ZNF160: variants seen among roughly 807,000 people sequenced by gnomAD.
The protein encoded by ZNF160 is zinc finger protein 160, also known as KRAB zinc finger protein KR18.
ZNF160 carries 9 observed loss-of-function variants against 13.1 expected under a neutral mutation model. The observed-to-expected ratio is 0.69, with a 90% CI of 0.41 to 1.20. The LOEUF (loss-of-function observed/expected upper bound fraction) is 1.20, where lower values mean the gene tolerates loss of function less well. ZNF160 is among the 50% of genes most tolerant of loss of function. The pLI is 0.01. For missense variants in ZNF160, 838 were observed against 988.0 expected, an observed-to-expected ratio of 0.85 and a Z score of 2.04; for synonymous variants, 293 against 333.2, an observed-to-expected ratio of 0.88 and a Z score of 1.31.
chr19:53,086,163 G>A, intron 3 of ZNF160, 99 bp downstream of exon 3: 2 of 1,407,092 alleles, frequency 1.4e-6, no homozygotes, highest in South Asian at 1.2e-5. Flanking sequence ...TAGCAAACAT[G>A]TCAGGCAGGA....
At position 53,069,214 on chromosome 19, in the gene ZNF160, G is replaced by A. The variant is rs1050980212; in HGVS notation, c.1320C>T (p.Leu440=). 19 of 1,610,882 alleles carry A rather than the reference G, an allele frequency of 1.2e-5. No homozygotes were observed. The highest frequency in any genetic ancestry group is 2.2e-5 in the South Asian group (2 of 90,948). Residue 440 remains leucine, a synonymous_variant, in exon 6 of 6, where the codon CTC becomes CTT. Coordinates refer to ENST00000683776, the MANE Select transcript of ZNF160 (RefSeq NM_001322131.2). This position sits in a 1 kb window ranked among gnomAD's most constrained non-coding sequence, Gnocchi z 4.4. ...CGKVFRYNSY[L]GRHRRVHTGE... Reference sequence around the variant, plus strand: ...CAGTATGAACTCTCCGATGCCTTCCGAGGTATGAATTGTACCTAAAGACTT... The same window carrying A: ...CAGTATGAACTCTCCGATGCCTTCCAAGGTATGAATTGTACCTAAAGACTT...
In ZNF160 at chr19:53,068,632, T is replaced by C; in HGVS notation, c.1902A>G (p.Ser634=). Residue 634 remains serine, a synonymous_variant, in exon 6 of 6, where the codon TCA becomes TCG. Coordinates refer to ENST00000683776, the MANE Select transcript of ZNF160 (RefSeq NM_001322131.2). ...HECGKVFRHN[S]YLATHRRIHT... ...GAATTCGCCGATGAGTTGCAAGGTA[T>C]GAATTGTGCCTAAAAACCTTGCCGC... 2 of 1,613,774 alleles carry C rather than the reference T, an allele frequency of 1.2e-6. No homozygotes were observed. The highest frequency in any genetic ancestry group is 1.7e-6 in the Non-Finnish European group (2 of 1,179,958).
At chr19:53,096,722 TGAGG>T (rs2085252003) in intron 1 of ZNF160, among the ~76,000 whole-genome samples, 1 of 127,134 alleles carries the variant, frequency 7.9e-6, no homozygotes, top group Non-Finnish European at 1.8e-5. Context: ...GCAGGAGACC[TGAGG>T]GAGGGGAGAA....
At chr19:53,078,534 A>C (rs2145658692) in intron 3 of ZNF160, among the ~76,000 whole-genome samples, 1 of 152,306 alleles carries the variant, frequency 6.6e-6, no homozygotes, top group East Asian at 1.9e-4. Context: ...TGAACTCAGG[A>C]GGCAGAGGTT....
chr19:53,098,892 A>G (rs935291801), intron 1 of ZNF160, among the ~76,000 whole-genome samples: 3 of 150,938 alleles, frequency 2.0e-5, no homozygotes, highest in East Asian at 1.9e-4. Flanking sequence ...GGCCTCAGTG[A>G]GGCCTTCTGC....
chr19:53,084,338 T>C (rs1466725055), intron 3 of ZNF160, among the ~76,000 whole-genome samples: 2 of 152,218 alleles, frequency 1.3e-5, no homozygotes, highest in Admixed American at 1.3e-4. Flanking sequence ...CCAAAAGCAA[T>C]GCAGTACCTT....
chr19:53,079,333 C>T lies in ZNF160; in HGVS notation c.16-4150G>A, dbSNP rs190877710. Among the ~76,000 whole-genome samples the T allele has an allele frequency of 3.9e-5, 6 of 151,954 alleles. No homozygotes were observed. In the East Asian group the frequency reaches 9.7e-4, roughly 25 times the overall value. Reference sequence around the variant, plus strand: ...TGGGAGGCCAAGGCAGGTGGATCACCTGAGGTCAGGAGTTCAAGACCAGCC... The same window carrying T: ...TGGGAGGCCAAGGCAGGTGGATCACTTGAGGTCAGGAGTTCAAGACCAGCC... On this transcript the variant is annotated intron_variant, in intron 3 of 5. Coordinates refer to ENST00000683776, the MANE Select transcript of ZNF160 (RefSeq NM_001322131.2).
At position 53,068,116 on chromosome 19, in the gene ZNF160, A is replaced by G; in HGVS notation, c.2418T>C (p.Ser806=). ...KVFRQSSNLA[S]HHRMHTGEKP... ...TCTCTCCGGTATGCATTCTGTGATG[A>G]CTTGCAAGATTTGAACTCTGCCTGA... The change falls in exon 6 of 6, where the codon AGT becomes AGC. Residue 806 remains serine (S), a synonymous_variant. Coordinates refer to ENST00000683776, the MANE Select transcript of ZNF160 (RefSeq NM_001322131.2). The G allele has an allele frequency of 6.2e-7, 1 of 1,612,870 alleles. No individual in the cohort carries two copies.
intron 3 of ZNF160, among the ~76,000 whole-genome samples, chr19:53,081,525 C>T (rs1024494828): frequency 4.6e-5 from 7 of 151,916 alleles, no homozygotes; most frequent in Non-Finnish European, 7.4e-5. Flanking sequence ...CTCAACACCC[C>T]GATCATCAGA....
intron 1 of ZNF160, among the ~76,000 whole-genome samples, chr19:53,100,382 G>C (rs370389282): frequency 6.9e-6 from 1 of 145,674 alleles, no homozygotes. Flanking sequence ...AGGCTGAGGC[G>C]GGTGGATCAC....
intron 1 of ZNF160, chr19:53,095,701 T>C (rs889298952): frequency 2.0e-5 from 3 of 152,128 alleles, no homozygotes; most frequent in Non-Finnish European, 4.4e-5. Context: ...CTTAATCTTA[T>C]GAATATATAA....
intron 3 of ZNF160, among the ~76,000 whole-genome samples, chr19:53,082,224 C>T (rs1038706355): frequency 3.9e-5 from 6 of 151,972 alleles, no homozygotes; most frequent in African/African-American, 1.5e-4. Flanking sequence ...CAAAATATAC[C>T]CATGTAAGAA....
intron 2 of ZNF160, among the ~76,000 whole-genome samples, 182 bp from the exon 3 acceptor site, chr19:53,086,503 C>T (rs80313548): frequency 0.022 from 3,340 of 152,260 alleles, 117 homozygotes; most frequent in African/African-American, 0.073. Context: ...GAAACTCCTA[C>T]AGGAAGAAGT....
At chr19:53,075,581 A>T (rs773086212) in intron 3 of ZNF160, 57 of 357,872 alleles carry the variant, frequency 1.6e-4, no homozygotes, top group Non-Finnish European at 3.3e-5. Flanking sequence ...CAATAATGGA[A>T]GCAAGGCCTC....
At chr19:53,089,112 G>T (rs1014913518) in intron 2 of ZNF160, among the ~76,000 whole-genome samples, 1 of 152,206 alleles carries the variant, frequency 6.6e-6, no homozygotes, top group Non-Finnish European at 1.5e-5. Context: ...GAGGAGGGGG[G>T]TCAAGTGAAT....
chr19:53,092,396 T>G (rs1264553207), intron 1 of ZNF160, among the ~76,000 whole-genome samples: 1 of 152,158 alleles, frequency 6.6e-6, no homozygotes, highest in African/African-American at 2.4e-5. Context: ...TTGCAACCTC[T>G]GCCTCCTGGG....
chr19:53,097,535 T>C (rs1044784159), intron 1 of ZNF160, among the ~76,000 whole-genome samples: 5 of 152,056 alleles, frequency 3.3e-5, no homozygotes, highest in Non-Finnish European at 7.4e-5. Flanking sequence ...TGGAATAATA[T>C]ACACAAACAC....
intron 1 of ZNF160, among the ~76,000 whole-genome samples, chr19:53,100,596 C>T (rs1270435254): frequency 6.6e-6 from 1 of 150,824 alleles, no homozygotes; most frequent in African/African-American, 2.4e-5. Flanking sequence ...GGCGACAGAG[C>T]GAGACTCCGT....
chr19:53,091,882 G>A (rs886661068), intron 1 of ZNF160, among the ~76,000 whole-genome samples, 162 bp from the exon 2 acceptor site: 6 of 152,348 alleles, frequency 3.9e-5, no homozygotes, highest in Non-Finnish European at 7.3e-5. Context: ...GAAGGACAGC[G>A]TCAACCTCGG....
Sources: gnomAD v4.1 joint callset for allele counts (sites outside exome capture counted in the v4.1 genomes callset) on GRCh38, gnomAD v4.1.1 for gene constraint, Gnocchi (gnomAD v3.1) non-coding constraint, MANE v1.5 for transcripts, NCBI Gene and HGNC (gene_info 2026-07-23, HGNC 2026-07-21) for gene names.